The following HTT variants were observed in gnomAD, a reference collection of about 807,000 sequenced individuals.
The protein encoded by HTT is huntingtin.
A neutral mutation model predicts 362.3 loss-of-function variants in HTT; 104 were observed. The ratio of observed to expected loss-of-function variants is 0.29; its 90% confidence interval spans 0.24 to 0.34. The LOEUF is 0.34. HTT is among the 10% of genes least tolerant of loss of function. HTT has a pLI of 1.00. For missense variants in HTT, 3,301 were observed against 3,928.6 expected, an observed-to-expected ratio of 0.84 and a Z score of 4.27; for synonymous variants, 1,577 against 1,548.7, an observed-to-expected ratio of 1.02 and a Z score of -0.43.
intron 35 of HTT, among the ~76,000 whole-genome samples, chr4:3,180,286 G>A (rs951063327): frequency 6.6e-6 from 1 of 151,896 alleles, no homozygotes; most frequent in Non-Finnish European, 1.5e-5. Flanking sequence ...GGAGCCCTAG[G>A]TTTTTTTTCT....
intron 66 of HTT, 28 bp downstream of exon 66, chr4:3,239,006 C>T: frequency 6.3e-7 from 1 of 1,580,628 alleles, no homozygotes. Context: ...CTGGTGCTGG[C>T]CCCGTTTCCC....
chr4:3,219,606 T>C (rs535511013), intron 52 of HTT, among the ~76,000 whole-genome samples: 2 of 152,260 alleles, frequency 1.3e-5, no homozygotes, highest in South Asian at 2.1e-4. Context: ...ATCCTGGGGT[T>C]CCGTTGGGTC....
intron 33 of HTT, 151 bp downstream of exon 33, chr4:3,175,258 G>T: frequency 1.3e-6 from 1 of 745,586 alleles, no homozygotes; most frequent in South Asian, 2.0e-5. Flanking sequence ...CCTAGCTGGT[G>T]CAGAAGGCCT....
intron 33 of HTT, among the ~76,000 whole-genome samples, chr4:3,176,132 A>G (rs1016525868): frequency 6.6e-6 from 1 of 150,470 alleles, no homozygotes; most frequent in African/African-American, 2.5e-5. Flanking sequence ...GGTTCACGCC[A>G]TTCTCCTGCC....
intron 8 of HTT, among the ~76,000 whole-genome samples, chr4:3,119,456 C>T (rs1467014643): frequency 6.6e-6 from 1 of 152,142 alleles, no homozygotes; most frequent in African/African-American, 2.4e-5. Context: ...TGAAATCTTT[C>T]TTTCTTTCTG....
intron 37 of HTT, among the ~76,000 whole-genome samples, chr4:3,182,701 A>T (rs1346633819): frequency 6.6e-6 from 1 of 152,142 alleles, no homozygotes; most frequent in African/African-American, 2.4e-5. Flanking sequence ...GAGGTTATGG[A>T]GGTGATCAGG....
At position 3,236,202 on chromosome 4, in the gene HTT, G is replaced by A. The variant is rs765112409; in HGVS notation, c.8839G>A (p.Asp2947Asn). 13 of 1,614,074 alleles carry A rather than the reference G, an allele frequency of 8.1e-6. No homozygotes were observed. The highest frequency in any genetic ancestry group is 5.3e-5 in the African/African-American group (4 of 74,928). ...RTSDPNPAAP[D>N]SESVIVAMER... ...TTCAGACCCTAATCCTGCAGCCCCC[G>A]ACAGCGAGTCAGTGATTGTTGCTAT... The change falls in exon 64 of 67, where the codon GAC (aspartate) becomes AAC (asparagine). Residue 2947 changes from aspartate to asparagine, a missense_variant. Transcript: ENST00000355072.
At chr4:3,166,382 C>A (rs1304522823) in intron 29 of HTT, among the ~76,000 whole-genome samples, 1 of 152,190 alleles carries the variant, frequency 6.6e-6, no homozygotes, top group Non-Finnish European at 1.5e-5. Context: ...GGGTCAGGGA[C>A]CCACTTGAGG....
chr4:3,085,543 GTTTC>G (rs1713164833), intron 1 of HTT, among the ~76,000 whole-genome samples: 1 of 152,180 alleles, frequency 6.6e-6, no homozygotes, highest in Admixed American at 6.5e-5. Context: ...GAGCAAGGTG[GTTTC>G]TTTTTCACTT....
rs555335205 is a variant in HTT, at chr4:3,171,761, G to A, written c.3865-559G>A. Among the ~76,000 whole-genome samples, 4 of 152,318 alleles carry A rather than the reference G, an allele frequency of 2.6e-5. No homozygotes were observed. The South Asian group carries it at 8.3e-4, about 32-fold the overall frequency. On this transcript the variant is annotated intron_variant, in intron 29 of 66. Coordinates refer to ENST00000355072, the MANE Select transcript of HTT (RefSeq NM_001388492.1). Reference sequence around the variant, plus strand: ...CAAAATGCTGGGATTACAGGCGTGAGCCACCACTCCCAGCCCCTTCTTGAT... The same window carrying A: ...CAAAATGCTGGGATTACAGGCGTGAACCACCACTCCCAGCCCCTTCTTGAT...
chr4:3,125,352 T>C lies in HTT; in HGVS notation c.1322-197T>C, dbSNP rs187041164. The stretch of plus-strand genomic sequence containing the variant: ...TTTTTCCATATAGGTTTATTGACTT[T>C]AATAGCATTCTAAACATAACATCTC... On this transcript the variant is annotated intron_variant, in intron 10 of 66. Coordinates refer to ENST00000355072, the MANE Select transcript of HTT (RefSeq NM_001388492.1). 4.7e-4 allele frequency among the ~76,000 whole-genome samples: 71 copies of C among 152,336 alleles called. 1 individual carries two copies. The highest frequency in any genetic ancestry group is 1.5e-3 in the African/African-American group (63 of 41,590).
At chr4:3,128,117 G>A (rs894407649) in intron 12 of HTT, among the ~76,000 whole-genome samples, 5 of 152,024 alleles carry the variant, frequency 3.3e-5, no homozygotes, top group Admixed American at 1.3e-4. Context: ...ATTTTCAGTA[G>A]AGACAGGGTT....
intron 46 of HTT, 119 bp downstream of exon 46, chr4:3,209,030 C>G (rs1185214993): frequency 8.0e-6 from 9 of 1,130,508 alleles, no homozygotes; most frequent in South Asian, 3.3e-5. Context: ...GCGCTCGGCT[C>G]GGCTCAGTGA....
rs1411796640 is a variant in HTT at position 3,074,685 on chromosome 4, C to T, written c.-141C>T. On this transcript the variant is annotated 5_prime_UTR_variant, in exon 1 of 67. Coordinates refer to ENST00000355072, the MANE Select transcript of HTT (RefSeq NM_001388492.1). ...GGGACGCAAGGCGCCGTGGGGGCTG[C>T]CGGGACGGGTCCAAGATGGACGGCC... is the stretch of plus-strand genomic sequence containing the variant. The T allele has an allele frequency of 4.8e-6, 4 of 838,216 alleles. No homozygotes were observed. The South Asian group carries it at 8.6e-5, about 18-fold the overall frequency. 51.9% of individuals were successfully genotyped at this position (838,216 alleles called of 1,614,324 possible). A position where few individuals can be genotyped will look rare whatever the true frequency, so the allele number is the denominator to read the frequency against.
intron 31 of HTT, among the ~76,000 whole-genome samples, chr4:3,173,659 T>C (rs1718096456): frequency 6.6e-6 from 1 of 150,842 alleles, no homozygotes; most frequent in South Asian, 2.1e-4. Context: ...GAAGTCTCTT[T>C]TCACTTAAAT....
At chr4:3,086,639 C>G (rs1242212681) in intron 1 of HTT, among the ~76,000 whole-genome samples, 2 of 152,166 alleles carry the variant, frequency 1.3e-5, no homozygotes, top group Admixed American at 6.5e-5. Context: ...CTATCGTACT[C>G]CAGCCTGGGC....
At chr4:3,099,525 G>C (rs1445448868) in intron 3 of HTT, 131 bp downstream of exon 3, 2 of 1,223,216 alleles carry the variant, frequency 1.6e-6, no homozygotes, top group Admixed American at 2.3e-5. Context: ...CTGATGTATG[G>C]TTTGGAGGTG....
chr4:3,108,123 A>G (rs1714531432), intron 6 of HTT, among the ~76,000 whole-genome samples: 1 of 152,230 alleles, frequency 6.6e-6, no homozygotes, highest in Non-Finnish European at 1.5e-5. Flanking sequence ...ATAAGCCTTA[A>G]TGGGACCCAT....
chr4:3,107,146 G>C, intron 5 of HTT, 139 bp from the exon 6 acceptor site: 1 of 747,684 alleles, frequency 1.3e-6, no homozygotes, highest in South Asian at 1.9e-5. Context: ...TCATCCTCCT[G>C]TTCTTTCAGC....
Sources: gnomAD v4.1 joint callset for allele counts (sites outside exome capture counted in the v4.1 genomes callset) on GRCh38, gnomAD v4.1.1 for gene constraint, MANE v1.5 for transcripts, NCBI Gene and HGNC (gene_info 2026-07-23, HGNC 2026-07-21) for gene names.